The following ENPP3 variants were observed in gnomAD, a reference collection of about 807,000 sequenced individuals.
ENPP3 encodes the protein ectonucleotide pyrophosphatase/phosphodiesterase family member 3.
In ENPP3, 104 loss-of-function variants were observed where a neutral mutation model predicts 117.8. That is an observed-to-expected ratio of 0.88 (90% CI 0.75 to 1.04). The LOEUF (loss-of-function observed/expected upper bound fraction) is 1.04, where lower values mean the gene tolerates loss of function less well. Ranked by LOEUF, ENPP3 falls within the 50% of genes least tolerant of loss-of-function variation. The probability of loss-of-function intolerance (pLI) is 0.00; values close to 1 mark genes in which losing one functional copy is unlikely to be tolerated. For synonymous variants in ENPP3, 380 were observed against 349.9 expected (o/e 1.09, Z -0.96); for missense variants, 1,026 against 1,051.9 (o/e 0.98, Z 0.34).
At chr6:131,734,082 G>A (rs939724075) in intron 21 of ENPP3, among the ~76,000 whole-genome samples, 5 of 152,102 alleles carry the variant, frequency 3.3e-5, no homozygotes, top group Admixed American at 6.6e-5. Context: ...AGCTGTGCCC[G>A]TGAAAAGAAA....
At chr6:131,735,712 T>C (rs1166884705) in intron 21 of ENPP3, among the ~76,000 whole-genome samples, 1 of 152,212 alleles carries the variant, frequency 6.6e-6, no homozygotes, top group African/African-American at 2.4e-5. Flanking sequence ...ACTGCCTTAT[T>C]TCACTCAATG....
intron 6 of ENPP3, among the ~76,000 whole-genome samples, chr6:131,661,383 G>GT (rs1778495816): frequency 6.6e-6 from 1 of 151,976 alleles, no homozygotes. Flanking sequence ...ATCAACACCT[G>GT]TTTTTGGGGT....
At chr6:131,660,711 T>G (rs543756302) in intron 6 of ENPP3, among the ~76,000 whole-genome samples, 121 of 152,336 alleles carry the variant, frequency 7.9e-4, no homozygotes, top group Non-Finnish European at 1.6e-3. Flanking sequence ...TGTCATTTGC[T>G]GTCTGCTTTT....
rs549905188 is a variant in ENPP3, at chr6:131,692,908, GT to G, written c.1285-587del. 7.2e-4 allele frequency among the ~76,000 whole-genome samples: 103 copies of G among 144,014 alleles called. 1 individual carries two copies. Among genetic ancestry groups the G allele is most frequent in the African/African-American group, 2.6e-3 (101 of 39,526 alleles). The allele number at this position is 144,014 out of a possible 152,430, so 94.5% of individuals were successfully genotyped here. On this transcript the variant is annotated intron_variant, in intron 14 of 24. Transcript: ENST00000357639. ...TATTATACACTATATATGATATATA[GT>G]TATATATTATACACTATATATGATA...
At chr6:131,673,359 G>C (rs1778789605) in intron 7 of ENPP3, among the ~76,000 whole-genome samples, 1 of 152,254 alleles carries the variant, frequency 6.6e-6, no homozygotes, top group East Asian at 1.9e-4. Flanking sequence ...ATATTATGCA[G>C]CCATAAAAAA....
At position 131,675,069 on chromosome 6, in the gene ENPP3, T is replaced by G; in HGVS notation, c.763-11T>G. On this transcript the variant is annotated splice_polypyrimidine_tract_variant and intron_variant, in intron 8 of 24. Transcript: ENST00000357639. ...ATTACTGACTTTCGCTTATCCTAAA[T>G]TTTCTTACAGATGTGGCTGACAGCA... 1 of 1,587,684 alleles carries G rather than the reference T, an allele frequency of 6.3e-7. No homozygotes were observed. The highest frequency in any genetic ancestry group is 8.6e-7 in the Non-Finnish European group (1 of 1,156,110).
At chr6:131,746,229 A>G (rs766143448) in intron 24 of ENPP3, among the ~76,000 whole-genome samples, 4 of 152,236 alleles carry the variant, frequency 2.6e-5, no homozygotes, top group Non-Finnish European at 5.9e-5. Context: ...TTTTATCAAT[A>G]TGTAACGCAA....
chr6:131,738,979 C>G (rs1305292975), intron 23 of ENPP3, among the ~76,000 whole-genome samples: 1 of 152,146 alleles, frequency 6.6e-6, no homozygotes, highest in Non-Finnish European at 1.5e-5. Context: ...CTACCTTTCA[C>G]AATTTATTAA....
At chr6:131,732,484 C>T (rs1184128201) in intron 20 of ENPP3, among the ~76,000 whole-genome samples, 2 of 152,080 alleles carry the variant, frequency 1.3e-5, no homozygotes, top group African/African-American at 4.8e-5. Flanking sequence ...ACGATCTCAG[C>T]TGACTGCAAC....
intron 11 of ENPP3, among the ~76,000 whole-genome samples, chr6:131,680,906 G>A (rs1779009184): frequency 6.6e-6 from 1 of 152,188 alleles, no homozygotes; most frequent in Non-Finnish European, 1.5e-5. Flanking sequence ...GATTTGGGTT[G>A]CATGATCCCT....
intron 10 of ENPP3, among the ~76,000 whole-genome samples, chr6:131,677,201 C>T (rs1778888493): frequency 6.6e-6 from 1 of 152,084 alleles, no homozygotes; most frequent in Non-Finnish European, 1.5e-5. Context: ...TGCCACTGCC[C>T]TCCAGCCTGG....
At chr6:131,684,298 G>T (rs1213841608) in intron 12 of ENPP3, among the ~76,000 whole-genome samples, 1 of 152,172 alleles carries the variant, frequency 6.6e-6, no homozygotes, top group Non-Finnish European at 1.5e-5. Context: ...AATTTCTAAG[G>T]TAGTTCTCTA....
At chr6:131,722,177 T>C (rs775645922) in intron 17 of ENPP3, 50 bp from the exon 18 acceptor site, 1 of 1,334,020 alleles carries the variant, frequency 7.5e-7, no homozygotes, top group Non-Finnish European at 1.1e-6. Flanking sequence ...ACAGAGGAGT[T>C]GTTGCTTTCC....
chr6:131,693,443 A>C, intron 14 of ENPP3, 54 bp from the exon 15 acceptor site: 1 of 1,511,446 alleles, frequency 6.6e-7, no homozygotes, highest in Non-Finnish European at 9.0e-7. Flanking sequence ...ATGAACTTTT[A>C]AAATTAATTT....
intron 11 of ENPP3, among the ~76,000 whole-genome samples, chr6:131,682,305 G>A (rs118064549): frequency 0.013 from 1,977 of 152,040 alleles, 17 homozygotes; most frequent in Non-Finnish European, 0.018. Context: ...AACAGCCTGG[G>A]AAACTTAATG....
Position 131,693,510 on chromosome 6 carries a change from A to T in ENPP3, c.1298A>T (p.Asp433Val), listed in dbSNP as rs772688048. Reference sequence around the variant, plus strand: ...CTTGCTTTTCAGTGCCGAAAACCTGATCAGCATTTCAAGCCCTATTTGACT... The same window carrying T: ...CTTGCTTTTCAGTGCCGAAAACCTGTTCAGCATTTCAAGCCCTATTTGACT... Reference protein sequence around the residue: ...IVRNLSCRKPDQHFKPYLTPD... With the variant: ...IVRNLSCRKPVQHFKPYLTPD... The change falls in exon 15 of 25, where the codon GAT becomes GTT. Residue 433 changes from aspartate to valine, a missense_variant. By Grantham distance (152) the Asp-to-Val change is radical. Coordinates refer to ENST00000357639, the MANE Select transcript of ENPP3 (RefSeq NM_005021.5). 4.3e-6 allele frequency: 7 copies of T among 1,612,602 alleles called. No homozygotes were observed. In the Admixed American group the frequency reaches 1.0e-4, roughly 23 times the overall value.
chr6:131,639,033 C>T (rs1455964814), intron 1 of ENPP3, among the ~76,000 whole-genome samples: 2 of 151,814 alleles, frequency 1.3e-5, no homozygotes, highest in Non-Finnish European at 2.9e-5. Context: ...TTTTTTCACA[C>T]CAATCTTGCC....
intron 15 of ENPP3, among the ~76,000 whole-genome samples, chr6:131,696,535 C>T (rs1288854129): frequency 6.6e-6 from 1 of 152,138 alleles, no homozygotes; most frequent in South Asian, 2.1e-4. Context: ...TGCAGTCTGT[C>T]GGTTGTACAG....
Position 131,726,189 on chromosome 6 carries a change from G to T in ENPP3, c.1942G>T (p.Val648Phe), listed in dbSNP as rs1780151547. Residue 648 changes from valine (V) to phenylalanine (F), a missense_variant, in exon 20 of 25, where the codon GTC (valine) becomes TTC (phenylalanine). Transcript: ENST00000357639. ...MRMPMWSSYT[V>F]PQLGDTSPLP... Reference sequence around the variant, plus strand: ...GATGCCCATGTGGAGTTCATACACAGTCCCCCAGTTGGTAAGTTCCTGAGT... The same window carrying T: ...GATGCCCATGTGGAGTTCATACACATTCCCCCAGTTGGTAAGTTCCTGAGT... 13 of 1,613,324 alleles carry T rather than the reference G, an allele frequency of 8.1e-6. No homozygotes were observed. The highest frequency in any genetic ancestry group is 1.1e-5 in the Non-Finnish European group (13 of 1,179,566).
Sources: gnomAD v4.1 joint callset for allele counts (sites outside exome capture counted in the v4.1 genomes callset) on GRCh38, gnomAD v4.1.1 for gene constraint, MANE v1.5 for transcripts, NCBI Gene and HGNC (gene_info 2026-07-23, HGNC 2026-07-21) for gene names.